Variants in TANC2 observed in about 807,000 individuals in gnomAD.
TANC2 encodes the protein tetratricopeptide repeat, ankyrin repeat and coiled-coil containing 2.
TANC2 carries 26 observed loss-of-function variants against 210.5 expected under a neutral mutation model. The ratio of observed to expected loss-of-function variants is 0.12; its 90% CI spans 0.09 to 0.17. The LOEUF is 0.17. TANC2 is among the 10% of genes least tolerant of loss of function. TANC2 has a pLI of 1.00. For synonymous variants in TANC2, 931 were observed against 967.1 expected, an observed-to-expected ratio of 0.96 and a Z score of 0.69; for missense variants, 2,129 against 2,608.9, an observed-to-expected ratio of 0.82 and a Z score of 4.01.
chr17:63,252,845 C>G (rs2043089717), intron 8 of TANC2, among the ~76,000 whole-genome samples: 1 of 151,868 alleles, frequency 6.6e-6, no homozygotes, highest in Non-Finnish European at 1.5e-5. Context: ...GCTCTGTTGC[C>G]CAGGCTGGAG....
intron 4 of TANC2, among the ~76,000 whole-genome samples, chr17:63,145,392 A>G (rs1030084479): frequency 4.6e-5 from 7 of 152,184 alleles, no homozygotes; most frequent in African/African-American, 1.2e-4. Flanking sequence ...CTAAAATGTT[A>G]TAAGATTCTG....
At chr17:63,210,596 T>C (rs1021893506) in intron 7 of TANC2, among the ~76,000 whole-genome samples, 1 of 152,216 alleles carries the variant, frequency 6.6e-6, no homozygotes. Context: ...ATGTAAGAAG[T>C]CTTTATAGGG....
At chr17:63,385,974 G>A (rs542979519) in intron 15 of TANC2, among the ~76,000 whole-genome samples, 3 of 152,272 alleles carry the variant, frequency 2.0e-5, no homozygotes, top group African/African-American at 4.8e-5. Context: ...GAGAGGATAC[G>A]TAGAAATAAT....
chr17:63,089,075 A>T (rs1389753061), intron 3 of TANC2: 2 of 152,178 alleles, frequency 1.3e-5, no homozygotes, highest in Non-Finnish European at 2.9e-5. Flanking sequence ...CATGTCTGCT[A>T]TTACTACTGT....
chr17:63,395,909 C>G (rs1441132640), exon 18 of TANC2: 3 of 1,608,996 alleles, frequency 1.9e-6, no homozygotes, highest in Non-Finnish European at 2.5e-6. Context: ...ATTGCTGCAG[C>G]CAGCATGGGT....
intron 5 of TANC2, among the ~76,000 whole-genome samples, chr17:63,167,181 G>A (rs971249485): frequency 6.6e-6 from 1 of 152,110 alleles, no homozygotes; most frequent in African/African-American, 2.4e-5. Context: ...ATTTGTATAA[G>A]CTACTTAACC....
At chr17:63,061,884 C>CGTTT (rs1417846283) in intron 2 of TANC2, among the ~76,000 whole-genome samples, 1 of 151,882 alleles carries the variant, frequency 6.6e-6, no homozygotes, top group Admixed American at 6.6e-5. Context: ...TTTGATCTTG[C>CGTTT]GTTTCTTCTA....
chr17:63,193,383 T>C lies in TANC2; in HGVS notation c.434-608T>C, dbSNP rs1404319569. ...ATATACCCTATCTCTGACCCCCAGC[T>C]TGTGACTTTATTAGAGAAGTTGATA... On this transcript the variant is annotated intron_variant, in intron 5 of 27. Coordinates refer to ENST00000689528, the Ensembl canonical transcript of TANC2. Among the ~76,000 whole-genome samples the C allele has an allele frequency of 2.0e-5, 3 of 152,156 alleles. No homozygotes were observed. In the South Asian group the frequency reaches 6.2e-4, roughly 32 times the overall value.
At chr17:63,079,142 G>A (rs1283202743) in intron 3 of TANC2, among the ~76,000 whole-genome samples, 1 of 152,160 alleles carries the variant, frequency 6.6e-6, no homozygotes. Flanking sequence ...CTTAGGAACA[G>A]GGCTGGATGA....
intron 4 of TANC2, among the ~76,000 whole-genome samples, chr17:63,109,911 G>A (rs1286059646): frequency 1.3e-5 from 2 of 151,636 alleles, no homozygotes; most frequent in African/African-American, 4.9e-5. Flanking sequence ...CTTCTTTCAC[G>A]TGGCAGTCTT....
At chr17:63,070,873 A>AT (rs1317125867) in intron 2 of TANC2, among the ~76,000 whole-genome samples, 6 of 152,118 alleles carry the variant, frequency 3.9e-5, no homozygotes, top group Non-Finnish European at 5.9e-5. Flanking sequence ...GTGTTTAAAG[A>AT]TTTTTTTAAA....
chr17:63,310,561 G>T (rs954382165), intron 9 of TANC2, among the ~76,000 whole-genome samples: 14 of 152,064 alleles, frequency 9.2e-5, no homozygotes, highest in Admixed American at 7.9e-4. Flanking sequence ...ATGTCCTCAG[G>T]GTTAAAAATG....
At chr17:63,426,838 TC>T (rs2049156838) in exon 28 of TANC2, 2 of 152,364 alleles carry the variant, frequency 1.3e-5, no homozygotes, top group Admixed American at 1.3e-4. Context: ...GCTGAATTTT[TC>T]TTTTGCTAAT....
At chr17:63,122,132 G>A (rs1352144725) in intron 4 of TANC2, among the ~76,000 whole-genome samples, 1 of 152,174 alleles carries the variant, frequency 6.6e-6, no homozygotes, top group South Asian at 2.1e-4. Context: ...AGCTGTAGTG[G>A]GATGAGAAAG....
intron 9 of TANC2, 143 bp downstream of exon 9, chr17:63,268,016 C>T: frequency 1.2e-6 from 1 of 862,664 alleles, no homozygotes; most frequent in South Asian, 2.7e-5. Flanking sequence ...GTGACCAGTT[C>T]ATTTCTGCTG....
At chr17:62,998,887 C>A (rs927320700) in intron 1 of TANC2, among the ~76,000 whole-genome samples, 2 of 152,162 alleles carry the variant, frequency 1.3e-5, no homozygotes, top group African/African-American at 4.8e-5. Flanking sequence ...ATGACAGGAT[C>A]AAATCCACAT....
At chr17:63,213,371 G>T (rs1455880135) in intron 7 of TANC2, among the ~76,000 whole-genome samples, 3 of 152,168 alleles carry the variant, frequency 2.0e-5, no homozygotes, top group Admixed American at 2.0e-4. Flanking sequence ...CAAGTCCTCT[G>T]GGAAGCAGGA....
At chr17:63,009,832 G>A (rs1381854070) in intron 2 of TANC2, among the ~76,000 whole-genome samples, 2 of 152,146 alleles carry the variant, frequency 1.3e-5, no homozygotes, top group East Asian at 3.8e-4. Context: ...GGAAAACCTT[G>A]TGAAGAAAAA....
chr17:63,156,461 CA>C (rs951217794), intron 5 of TANC2, among the ~76,000 whole-genome samples: 15 of 147,418 alleles, frequency 1.0e-4, no homozygotes, highest in African/African-American at 3.7e-4. Flanking sequence ...ACAACAAGAA[CA>C]AAAAGCTAGA....
Sources: gnomAD v4.1 joint callset for allele counts (sites outside exome capture counted in the v4.1 genomes callset) on GRCh38, gnomAD v4.1.1 for gene constraint, MANE v1.5 for transcripts, NCBI Gene and HGNC (gene_info 2026-07-23, HGNC 2026-07-21) for gene names.